The following ZNF721 variants were observed in gnomAD, a reference collection of about 807,000 sequenced individuals.
ZNF721 encodes zinc finger protein 721.
ZNF721 carries 2 observed loss-of-function variants against 2.4 expected under a neutral mutation model. The ratio of observed to expected loss-of-function variants is 0.82; its 90% CI spans 0.34 to 2.58. The LOEUF (loss-of-function observed/expected upper bound fraction) is 2.58, where lower values mean the gene tolerates loss of function less well. ZNF721 is among the 30% of genes most tolerant of loss of function. ZNF721 has a pLI of 0.11. For synonymous variants in ZNF721, 398 were observed against 381.8 expected, an observed-to-expected ratio of 1.04 and a Z score of -0.50; for missense variants, 1,187 against 1,085.5, an observed-to-expected ratio of 1.09 and a Z score of -1.31.
In ZNF721 at chr4:462,622, C is replaced by T. The variant is rs186083180; in HGVS notation, c.34+9953G>A. Reference sequence around the variant, plus strand: ...CACACATCTACAACCATCTGATCTTCGACAAACCTGACAAAAACAAGCAAC... The same window carrying T: ...CACACATCTACAACCATCTGATCTTTGACAAACCTGACAAAAACAAGCAAC... On this transcript the variant is annotated intron_variant, in intron 2 of 2. Coordinates refer to ENST00000511833, the MANE Select transcript of ZNF721 (RefSeq NM_133474.4). Among the ~76,000 whole-genome samples, 898 of 152,126 alleles carry T rather than the reference C, an allele frequency of 5.9e-3. 11 individuals carry two copies. The highest frequency in any genetic ancestry group is 0.02 in the African/African-American group (811 of 41,510).
intron 1 of ZNF721, among the ~76,000 whole-genome samples, chr4:492,189 A>C (rs1481308862): frequency 2.7e-5 from 4 of 148,384 alleles, no homozygotes. Context: ...ACAAACAAAC[A>C]AAAAAAAAAC....
At position 443,305 on chromosome 4, in the gene ZNF721, G is replaced by T. The variant is rs1194486253; in HGVS notation, c.1162C>A (p.Pro388Thr). Reference protein sequence around the residue: ...QHKKIHTGEKPYKCEECGKAF... With the variant: ...QHKKIHTGEKTYKCEECGKAF... The stretch of plus-strand genomic sequence containing the variant: ...TTGCCACACTCTTCACATTTGTAAG[G>T]TTTCTCTCCAGTATGAATTTTCTTG... The change falls in exon 3 of 3, where the codon CCT (proline) becomes ACT (threonine). Residue 388 changes from proline to threonine, a missense_variant. Pro to Thr is a conservative substitution (Grantham distance 38, BLOSUM62 -1). Coordinates refer to ENST00000511833, the MANE Select transcript of ZNF721 (RefSeq NM_133474.4). The T allele has an allele frequency of 2.5e-6, 4 of 1,613,936 alleles. No homozygotes were observed. In the Admixed American group the frequency reaches 6.7e-5, roughly 27 times the overall value.
Position 443,237 on chromosome 4 carries a change from A to AATTCTCTT in ZNF721, c.1222_1229dup (p.His411ArgfsTer25). On this transcript the variant is annotated frameshift_variant, in exon 3 of 3. Coordinates refer to ENST00000511833, the MANE Select transcript of ZNF721 (RefSeq NM_133474.4). LOFTEE classifies it low-confidence loss of function (END_TRUNC). ...ATGTGTAGGGTTTCTCTCTGGTGTG[A>AATTCTCTT]ATTCTCTTATGTGCAGTAAGGTTTG... 1 of 1,613,898 alleles carries AATTCTCTT rather than the reference A, an allele frequency of 6.2e-7. No individual in the cohort carries two copies. Among genetic ancestry groups the AATTCTCTT allele is most frequent in the Non-Finnish European group, 8.5e-7 (1 of 1,179,916 alleles).
intron 1 of ZNF721, among the ~76,000 whole-genome samples, chr4:481,974 G>C (rs1715782578): frequency 6.6e-6 from 1 of 152,188 alleles, no homozygotes; most frequent in Non-Finnish European, 1.5e-5. Flanking sequence ...TCAGAAAACT[G>C]AGTTAGATTT....
chr4:482,558 G>A (rs368885611), intron 1 of ZNF721, among the ~76,000 whole-genome samples: 2 of 151,944 alleles, frequency 1.3e-5, no homozygotes, highest in African/African-American at 2.4e-5. Flanking sequence ...GTGAAGTGGC[G>A]TGATCTCGGC....
intron 2 of ZNF721, among the ~76,000 whole-genome samples, chr4:464,998 T>C (rs184165868): frequency 1.3e-3 from 192 of 151,496 alleles, no homozygotes; most frequent in African/African-American, 4.4e-3. Context: ...GGCAGAAGAA[T>C]TGCTTGAACC....
At chr4:455,162 TTATA>T (rs2108697924) in intron 2 of ZNF721, among the ~76,000 whole-genome samples, 1 of 152,286 alleles carries the variant, frequency 6.6e-6, no homozygotes, top group Admixed American at 6.5e-5. Flanking sequence ...TATCATTTGC[TTATA>T]TACCTACATT....
At chr4:469,828 T>C (rs1715375342) in intron 2 of ZNF721, among the ~76,000 whole-genome samples, 2 of 152,226 alleles carry the variant, frequency 1.3e-5, no homozygotes, top group South Asian at 2.1e-4. Context: ...TCAGAAATTA[T>C]AGTCTTGTCA....
chr4:484,466 TC>T (rs1405803095), intron 1 of ZNF721, among the ~76,000 whole-genome samples: 2 of 152,186 alleles, frequency 1.3e-5, no homozygotes, highest in African/African-American at 4.8e-5. Flanking sequence ...CAACCATGTT[TC>T]TCTTCTTTCA....
chr4:442,316 TCTC>T lies in ZNF721; in HGVS notation c.2148_2150del (p.Arg717del), dbSNP rs1553863329. On this transcript the variant is annotated inframe_deletion, in exon 3 of 3. Coordinates refer to ENST00000511833, the MANE Select transcript of ZNF721 (RefSeq NM_133474.4). Reference sequence around the variant, plus strand: ...TGTAGGGTTTCTCCCTAGTGTGAACTCTCCTATGTGTAGTAAGGTTTCTTGACC... The same window carrying T: ...TGTAGGGTTTCTCCCTAGTGTGAACTCTATGTGTAGTAAGGTTTCTTGACC... 3.7e-6 allele frequency: 6 copies of T among 1,613,650 alleles called. No homozygotes were observed. The South Asian group carries it at 5.5e-5, about 15-fold the overall frequency.
At chr4:484,525 C>T (rs577357943) in intron 1 of ZNF721, among the ~76,000 whole-genome samples, 4 of 152,286 alleles carry the variant, frequency 2.6e-5, no homozygotes, top group East Asian at 3.9e-4. Flanking sequence ...CAGCAAGGAA[C>T]GTCCCTGAGA....
In ZNF721 at chr4:443,588, A is replaced by C. The variant is rs782247834; in HGVS notation, c.879T>G (p.Thr293=). 6.2e-7 allele frequency: 1 copy of C among 1,614,026 alleles called. No individual in the cohort carries two copies. Among genetic ancestry groups the C allele is most frequent in the Admixed American group, 1.7e-5 (1 of 60,008 alleles). ...CTCCAGTATGAATTCTCCTATGTTT[A>C]GTAAGGGTTGTGGAAATATTAAAGG... ...GKAFNISTTL[T]KHRRIHTGEK... Residue 293 remains threonine, a synonymous_variant, in exon 3 of 3, where the codon ACT becomes ACG. Coordinates refer to ENST00000511833, the MANE Select transcript of ZNF721 (RefSeq NM_133474.4).
intron 1 of ZNF721, among the ~76,000 whole-genome samples, chr4:493,735 C>T (rs538770525): frequency 2.0e-5 from 3 of 151,140 alleles, no homozygotes; most frequent in Non-Finnish European, 2.9e-5. Flanking sequence ...CCATATGCAG[C>T]TATTTTCATT....
chr4:465,435 GT>G (rs144460748), intron 2 of ZNF721, among the ~76,000 whole-genome samples: 49,591 of 138,808 alleles, frequency 0.36, 10,809 homozygotes, highest in African/African-American at 0.68. Context: ...TTTGTTTTTT[GT>G]TTTTTTTTTT....
Position 444,050 on chromosome 4 carries a change from A to C in ZNF721, c.417T>G (p.Cys139Trp), listed in dbSNP as rs1714383787. The change falls in exon 3 of 3, where the codon TGT becomes TGG. Residue 139 changes from cysteine (C) to tryptophan (W), a missense_variant. By Grantham distance (215) the Cys-to-Trp change is radical. Coordinates refer to ENST00000511833, the MANE Select transcript of ZNF721 (RefSeq NM_133474.4). ...GIHAGEKPYT[C>W]EERGKDFGWY... ...ATCCAAAGTCTTTGCCACGTTCTTCACAAGTGTAGGGTTTCTCTCCAGCAT... is the reference window on the plus strand; with the variant it reads ...ATCCAAAGTCTTTGCCACGTTCTTCCCAAGTGTAGGGTTTCTCTCCAGCAT... The C allele has an allele frequency of 6.2e-7, 1 of 1,613,712 alleles. No individual in the cohort carries two copies. Among genetic ancestry groups the C allele is most frequent in the African/African-American group, 1.3e-5 (1 of 74,904 alleles).
Position 444,275 on chromosome 4 carries a change from TC to T in ZNF721, c.191del (p.Gly64GlufsTer61), listed in dbSNP as rs782570990. ...KSMNVCKVQK[G>X]VYNGINKCLS... ...AGCATTTATTAATTCCATTATAAAC[TC>T]CCTTCTGCACTTTACACACGTTCAT... On this transcript the variant is annotated frameshift_variant, in exon 3 of 3. Coordinates refer to ENST00000511833, the MANE Select transcript of ZNF721 (RefSeq NM_133474.4). LOFTEE classifies it low-confidence loss of function (END_TRUNC). 9 of 1,613,994 alleles carry T rather than the reference TC, an allele frequency of 5.6e-6. No individual in the cohort carries two copies. The African/African-American group carries it at 9.3e-5, about 17-fold the overall frequency.
intron 2 of ZNF721, among the ~76,000 whole-genome samples, chr4:447,308 C>A (rs1553864316): frequency 3.0e-4 from 45 of 151,876 alleles, no homozygotes. Flanking sequence ...GGTGACTGAG[C>A]AAGACTCCGT....
In ZNF721 at chr4:450,216, A is replaced by G. The variant is rs376539102; in HGVS notation, c.35-5784T>C. Reference sequence around the variant, plus strand: ...AAATCAGTATGTCAAAGAGAAATCTACACTCCCATGTTTATTACAGCACTG... The same window carrying G: ...AAATCAGTATGTCAAAGAGAAATCTGCACTCCCATGTTTATTACAGCACTG... On this transcript the variant is annotated intron_variant, in intron 2 of 2. Transcript: ENST00000511833. Among the ~76,000 whole-genome samples the G allele has an allele frequency of 2.8e-4, 42 of 150,310 alleles. No homozygotes were observed. The East Asian group carries it at 7.5e-3, about 27-fold the overall frequency.
intron 2 of ZNF721, among the ~76,000 whole-genome samples, chr4:468,040 G>C (rs543609828): frequency 6.6e-6 from 1 of 152,304 alleles, no homozygotes; most frequent in African/African-American, 2.4e-5. Context: ...AGCACTTTGG[G>C]AGGCCGAGGC....
Sources: gnomAD v4.1 joint callset for allele counts (sites outside exome capture counted in the v4.1 genomes callset) on GRCh38, gnomAD v4.1.1 for gene constraint, MANE v1.5 for transcripts, NCBI Gene and HGNC (gene_info 2026-07-23, HGNC 2026-07-21) for gene names.